The following ATP6V1B2 variants were observed in gnomAD, a reference collection of about 807,000 sequenced individuals.
ATP6V1B2 encodes the protein ATPase H+ transporting V1 subunit B2, also known as V-type proton ATPase subunit B, brain isoform.
In ATP6V1B2, 23 loss-of-function variants were observed where a neutral mutation model predicts 66.7. That is an observed-to-expected ratio of 0.34 (90% confidence interval 0.25 to 0.49). The LOEUF (loss-of-function observed/expected upper bound fraction) is 0.49. Among genes scored for constraint, ATP6V1B2 ranks in the 20% least tolerant of loss-of-function variants. The probability of loss-of-function intolerance (pLI) is 0.99; values close to 1 mark genes in which losing one functional copy is unlikely to be tolerated. For synonymous variants in ATP6V1B2, 278 were observed against 236.7 expected, an observed-to-expected ratio of 1.17 and a Z score of -1.60; for missense variants, 478 against 650.8, an observed-to-expected ratio of 0.73 and a Z score of 2.89.
At chr8:20,202,537 G>C (rs1360204651) in intron 1 of ATP6V1B2, among the ~76,000 whole-genome samples, 3 of 152,194 alleles carry the variant, frequency 2.0e-5, no homozygotes, top group Non-Finnish European at 4.4e-5. Context: ...TGATGAAGTA[G>C]AATCTTGTCT....
chr8:20,201,305 A>C (rs2072684354), intron 1 of ATP6V1B2, among the ~76,000 whole-genome samples: 1 of 152,204 alleles, frequency 6.6e-6, no homozygotes, highest in Non-Finnish European at 1.5e-5. Flanking sequence ...GTAATTTACA[A>C]ATGGGTTTTT....
chr8:20,214,693 G>A (rs1027495412), intron 9 of ATP6V1B2, 125 bp from the exon 10 acceptor site: 3 of 1,078,312 alleles, frequency 2.8e-6, no homozygotes, highest in Non-Finnish European at 1.2e-6. Context: ...CATTCTTAAG[G>A]ACAGTATTTA....
chr8:20,205,975 T>C (rs1227821828), intron 2 of ATP6V1B2, among the ~76,000 whole-genome samples: 1 of 152,230 alleles, frequency 6.6e-6, no homozygotes, highest in Non-Finnish European at 1.5e-5. Flanking sequence ...AAAAAGCTTA[T>C]ATTCTTCTCA....
intron 13 of ATP6V1B2, among the ~76,000 whole-genome samples, chr8:20,218,568 T>C (rs770030814): frequency 7.9e-5 from 12 of 152,128 alleles, no homozygotes; most frequent in Admixed American, 1.3e-4. Flanking sequence ...TACAACTTCA[T>C]TGCCAGTTCT....
rs2072873060 is a variant in ATP6V1B2 at position 20,218,137 on chromosome 8, CCTTT to C, written c.1267-12_1267-9del. 2 of 1,610,540 alleles carry C rather than the reference CCTTT, an allele frequency of 1.2e-6. No homozygotes were observed. The highest frequency in any genetic ancestry group is 4.5e-5 in the East Asian group (2 of 44,774). ...GAGAGCTTCTCTCTGCTGATGGGTG[CCTTT>C]CTTCTCTTTAGTATGCGTGCTATGC... On this transcript the variant is annotated splice_polypyrimidine_tract_variant and intron_variant, in intron 12 of 13. Coordinates refer to ENST00000276390, the MANE Select transcript of ATP6V1B2 (RefSeq NM_001693.4).
At chr8:20,209,654 C>A in intron 3 of ATP6V1B2, 123 bp downstream of exon 3, 2 of 908,076 alleles carry the variant, frequency 2.2e-6, no homozygotes, top group Non-Finnish European at 3.4e-6. Flanking sequence ...TGGTTACCGG[C>A]TGCAGGGAAA....
intron 1 of ATP6V1B2, among the ~76,000 whole-genome samples, chr8:20,197,845 TC>T (rs1241974652): frequency 2.0e-5 from 3 of 152,072 alleles, no homozygotes; most frequent in Non-Finnish European, 4.4e-5. Flanking sequence ...GGCACTTGCT[TC>T]CCGTCCCCGA....
rs74520834 is a variant in ATP6V1B2, at chr8:20,210,285, A to C, written c.292-61A>C. Reference sequence around the variant, plus strand: ...TAAGGGCTGTTTAACAGACAAATAAAATGTAAATGCCCGTGATCTAAATTA... The same window carrying C: ...TAAGGGCTGTTTAACAGACAAATAACATGTAAATGCCCGTGATCTAAATTA... On this transcript the variant is annotated intron_variant, in intron 3 of 13. Transcript: ENST00000276390. 6,085 of 1,418,294 alleles carry C rather than the reference A, an allele frequency of 4.3e-3. 249 individuals carry two copies. The African/African-American group carries it at 0.076, about 18-fold the overall frequency. The allele number at this position is 1,418,294 out of a possible 1,614,324, so 87.9% of individuals were successfully genotyped here. A position where few individuals can be genotyped will look rare whatever the true frequency, so the allele number is the denominator to read the frequency against.
At chr8:20,213,963 G>T (rs890772822) in intron 9 of ATP6V1B2, 2 of 152,152 alleles carry the variant, frequency 1.3e-5, no homozygotes, top group African/African-American at 4.8e-5. Context: ...GCAGATTTTA[G>T]AATTGTTAGA....
At position 20,210,399 on chromosome 8, in the gene ATP6V1B2, T is replaced by A; in HGVS notation, c.345T>A (p.Thr115=). The part of the protein sequence containing the change: ...IDAKKTSCEF[T]GDILRTPVSE... The stretch of plus-strand genomic sequence containing the variant: ...CTAAGAAAACGTCCTGTGAGTTTAC[T>A]GGGGATATTCTCCGAACACCGGTGT... Residue 115 remains threonine, a synonymous_variant, in exon 4 of 14, where the codon ACT becomes ACA. Coordinates refer to ENST00000276390, the MANE Select transcript of ATP6V1B2 (RefSeq NM_001693.4). 6.2e-7 allele frequency: 1 copy of A among 1,613,726 alleles called. No homozygotes were observed. The highest frequency in any genetic ancestry group is 8.5e-7 in the Non-Finnish European group (1 of 1,179,704).
intron 1 of ATP6V1B2, 109 bp from the exon 2 acceptor site, chr8:20,204,375 G>A (rs1289816543): frequency 2.0e-5 from 18 of 901,320 alleles, no homozygotes; most frequent in East Asian, 5.1e-5. Context: ...TGAGTGTACC[G>A]TATTCTAATA....
At chr8:20,216,940 TATC>T in intron 11 of ATP6V1B2, 2 of 375,324 alleles carry the variant, frequency 5.3e-6, no homozygotes, top group Non-Finnish European at 9.8e-6. Context: ...TGGTAGTACT[TATC>T]AAACAGATGT....
chr8:20,197,910 C>T (rs1220647137), intron 1 of ATP6V1B2, among the ~76,000 whole-genome samples: 1 of 152,172 alleles, frequency 6.6e-6, no homozygotes, highest in Non-Finnish European at 1.5e-5. Flanking sequence ...ATTTGGATAT[C>T]TAGGGGTCGA....
In ATP6V1B2 at chr8:20,218,201, G is replaced by A. The variant is rs371060908; in HGVS notation, c.1315G>A (p.Val439Ile). The A allele has an allele frequency of 1.2e-5, 19 of 1,613,294 alleles. No homozygotes were observed. The highest frequency in any genetic ancestry group is 4.4e-5 in the South Asian group (4 of 91,068). The change falls in exon 13 of 14, where the codon GTT becomes ATT. Residue 439 changes from valine (V) to isoleucine (I), a missense_variant. By Grantham distance (29) the Val-to-Ile change is conservative (BLOSUM62 3). Around this residue, in one of 2 missense-constraint regions of ATP6V1B2, gnomAD observed 326 missense variants for 545.6 expected, o/e 0.60. Coordinates refer to ENST00000276390, the MANE Select transcript of ATP6V1B2 (RefSeq NM_001693.4). The stretch of plus-strand genomic sequence containing the variant: ...GGATGTGCAAGCCATGAAAGCTGTC[G>A]TTGGAGAAGAAGCCCTTACCTCAGA... ...GKDVQAMKAVVGEEALTSDDL... is the reference protein window; with the variant it reads ...GKDVQAMKAVIGEEALTSDDL...
intron 1 of ATP6V1B2, among the ~76,000 whole-genome samples, chr8:20,202,084 T>C (rs1023787885): frequency 6.6e-6 from 1 of 152,152 alleles, no homozygotes; most frequent in South Asian, 2.1e-4. Flanking sequence ...TACTGCCACA[T>C]TGGGGATGAA....
At position 20,197,382 on chromosome 8, in the gene ATP6V1B2, G is replaced by A. The variant is rs989483437; in HGVS notation, c.-25G>A. On this transcript the variant is annotated 5_prime_UTR_variant, in exon 1 of 14. Transcript: ENST00000276390. The stretch of plus-strand genomic sequence containing the variant: ...CTGCGCGTGCGCGGCGTCGCTGCTG[G>A]GCCAGTCGGGACAGAGGAGACAAGA... The A allele has an allele frequency of 2.7e-6, 4 of 1,480,880 alleles. No homozygotes were observed. Among genetic ancestry groups the A allele is most frequent in the Non-Finnish European group, 3.6e-6 (4 of 1,113,550 alleles). The allele number at this position is 1,480,880 out of a possible 1,614,324, so 91.7% of individuals were successfully genotyped here. A position where few individuals can be genotyped will look rare whatever the true frequency, so the allele number is the denominator to read the frequency against.
intron 13 of ATP6V1B2, among the ~76,000 whole-genome samples, chr8:20,219,841 A>G (rs1161999219): frequency 6.6e-6 from 1 of 152,160 alleles, no homozygotes; most frequent in East Asian, 1.9e-4. Context: ...CAGGTGCTTG[A>G]CTGGCATTTA....
intron 1 of ATP6V1B2, among the ~76,000 whole-genome samples, chr8:20,202,882 A>G (rs1377218001): frequency 6.6e-6 from 1 of 152,188 alleles, no homozygotes; most frequent in East Asian, 1.9e-4. Flanking sequence ...ACGTTTCTGC[A>G]TTTCTGAAAA....
intron 7 of ATP6V1B2, 150 bp downstream of exon 7, chr8:20,211,903 C>T: frequency 2.4e-6 from 2 of 835,902 alleles, no homozygotes; most frequent in South Asian, 1.9e-5. Flanking sequence ...TAAAATTTGG[C>T]ATTTGACTAA....
Sources: allele counts gnomAD v4.1 joint callset (sites outside exome capture counted in the v4.1 genomes callset), GRCh38; gene constraint gnomAD v4.1.1; regional missense constraint gnomAD v4.1.1; transcripts MANE v1.5; gene names NCBI Gene and HGNC (gene_info 2026-07-23, HGNC 2026-07-21).